Variants in CHL1 observed in about 807,000 individuals in gnomAD.
CHL1 encodes cell adhesion molecule L1 like.
CHL1 carries 96 observed loss-of-function variants against 141.9 expected under a neutral mutation model. The ratio of observed to expected loss-of-function variants is 0.68; its 90% confidence interval spans 0.57 to 0.80. The LOEUF is 0.80. Ranked by LOEUF, CHL1 falls within the 30% of genes least tolerant of loss-of-function variation. The pLI is 0.00. For synonymous variants in CHL1, 613 were observed against 502.2 expected, an observed-to-expected ratio of 1.22 and a Z score of -2.95; for missense variants, 1,820 against 1,457.2, an observed-to-expected ratio of 1.25 and a Z score of -4.05.
At chr3:244,388 A>G (rs1191618841) in intron 1 of CHL1, among the ~76,000 whole-genome samples, 1 of 152,160 alleles carries the variant, frequency 6.6e-6, no homozygotes, top group Non-Finnish European at 1.5e-5. Context: ...TGCTTTTTGC[A>G]TGCCTGCCCT....
intron 3 of CHL1, among the ~76,000 whole-genome samples, chr3:324,506 C>T (rs1575069853): frequency 6.6e-6 from 1 of 151,950 alleles, no homozygotes; most frequent in African/African-American, 2.4e-5. Flanking sequence ...AAGCTTAATC[C>T]AAGTTGTATT....
intron 17 of CHL1, 26 bp from the exon 18 acceptor site, chr3:382,448 T>A (rs367545413): frequency 6.3e-7 from 1 of 1,590,548 alleles, no homozygotes; most frequent in Admixed American, 1.7e-5. Flanking sequence ...TACATTCTAA[T>A]ATTTTTTCCC....
At chr3:346,206 C>T (rs1263192868) in intron 9 of CHL1, among the ~76,000 whole-genome samples, 1 of 152,106 alleles carries the variant, frequency 6.6e-6, no homozygotes, top group African/African-American at 2.4e-5. Flanking sequence ...TCTTTCCAAC[C>T]ACCAAAAATA....
At chr3:229,984 G>C (rs1377414959) in intron 1 of CHL1, among the ~76,000 whole-genome samples, 1 of 152,012 alleles carries the variant, frequency 6.6e-6, no homozygotes, top group East Asian at 1.9e-4. Context: ...GTTTAGGGTG[G>C]ATCTTCTCTC....
chr3:368,378 T>A (rs142997595), intron 15 of CHL1, among the ~76,000 whole-genome samples: 74 of 152,342 alleles, frequency 4.9e-4, no homozygotes, highest in African/African-American at 1.7e-3. Context: ...ATATGTTTGT[T>A]GGCCATGTAA....
chr3:315,361 T>C (rs949846581), intron 2 of CHL1, among the ~76,000 whole-genome samples: 1 of 152,156 alleles, frequency 6.6e-6, no homozygotes, highest in Non-Finnish European at 1.5e-5. Flanking sequence ...CACTTTGTCA[T>C]GTGACCAGTC....
At chr3:353,702 T>C (rs1158811368) in intron 10 of CHL1, among the ~76,000 whole-genome samples, 1 of 152,216 alleles carries the variant, frequency 6.6e-6, no homozygotes, top group African/African-American at 2.4e-5. Flanking sequence ...ATTTTTTCAT[T>C]GTATACATAC....
At chr3:332,916 C>T (rs1399079166) in intron 5 of CHL1, among the ~76,000 whole-genome samples, 1 of 151,966 alleles carries the variant, frequency 6.6e-6, no homozygotes, top group Non-Finnish European at 1.5e-5. Context: ...GAAAAGGCAG[C>T]AGCTAGATCT....
intron 5 of CHL1, among the ~76,000 whole-genome samples, chr3:340,141 C>G (rs185854283): frequency 1.3e-5 from 2 of 152,120 alleles, no homozygotes. Flanking sequence ...GAAATTGACT[C>G]CAGTGTGGGG....
intron 3 of CHL1, among the ~76,000 whole-genome samples, chr3:322,642 T>A (rs868497698): frequency 3.5e-5 from 3 of 86,132 alleles, no homozygotes; most frequent in South Asian, 3.1e-4. Context: ...TATATATATA[T>A]AAAATATATA....
chr3:390,661 G>A, intron 20 of CHL1, 40 bp from the exon 21 acceptor site: 2 of 1,138,490 alleles, frequency 1.8e-6, no homozygotes, highest in East Asian at 2.3e-5. Flanking sequence ...AATCACATTT[G>A]CAGGTTATTG....
intron 1 of CHL1, among the ~76,000 whole-genome samples, chr3:238,521 G>T (rs1478422451): frequency 6.6e-6 from 1 of 152,058 alleles, no homozygotes; most frequent in East Asian, 1.9e-4. Context: ...CCAATATTTG[G>T]CAATCTGACA....
intron 3 of CHL1, among the ~76,000 whole-genome samples, chr3:324,995 T>G (rs1469759718): frequency 1.3e-5 from 2 of 151,992 alleles, no homozygotes; most frequent in African/African-American, 4.8e-5. Context: ...AATCTATTAA[T>G]GCCATTATGC....
At chr3:258,337 T>C (rs1015869846) in intron 2 of CHL1, among the ~76,000 whole-genome samples, 7 of 152,202 alleles carry the variant, frequency 4.6e-5, no homozygotes, top group Non-Finnish European at 2.9e-5. Flanking sequence ...CTTCAACCAC[T>C]CTTGGGATAC....
At chr3:256,124 G>C (rs1694138037) in intron 2 of CHL1, among the ~76,000 whole-genome samples, 1 of 152,214 alleles carries the variant, frequency 6.6e-6, no homozygotes, top group South Asian at 2.1e-4. Flanking sequence ...TCTAAGCGAA[G>C]TAAGGAGGTT....
At chr3:329,342 T>G (rs930574250) in intron 5 of CHL1, among the ~76,000 whole-genome samples, 1 of 150,934 alleles carries the variant, frequency 6.6e-6, no homozygotes, top group African/African-American at 2.5e-5. Context: ...ATTCTGGGGG[T>G]GCAGAATGGC....
chr3:217,539 AG>A (rs1292893386), intron 1 of CHL1: 1 of 152,276 alleles, frequency 6.6e-6, no homozygotes, highest in Non-Finnish European at 1.5e-5. Context: ...TGAGCCAGAA[AG>A]GGAAGAAGGC....
chr3:263,152 G>C (rs1694873764), intron 2 of CHL1, among the ~76,000 whole-genome samples: 1 of 152,146 alleles, frequency 6.6e-6, no homozygotes, highest in South Asian at 2.1e-4. Context: ...TGCCAGCACT[G>C]AAGCTCCATC....
intron 3 of CHL1, among the ~76,000 whole-genome samples, chr3:323,793 A>G (rs932730015): frequency 2.0e-5 from 3 of 152,046 alleles, no homozygotes; most frequent in Non-Finnish European, 4.4e-5. Context: ...TGAGCTTGGG[A>G]TTTCTAGGCT....
Sources: gnomAD v4.1 joint callset for allele counts (sites outside exome capture counted in the v4.1 genomes callset) on GRCh38, gnomAD v4.1.1 for gene constraint, MANE v1.5 for transcripts, NCBI Gene and HGNC (gene_info 2026-07-23, HGNC 2026-07-21) for gene names.